The following GABRR2 variants were observed in gnomAD, a reference collection of about 807,000 sequenced individuals.
The protein encoded by GABRR2 is gamma-aminobutyric acid receptor subunit rho-2.
Under a neutral mutation model 47.0 loss-of-function variants are expected in GABRR2, and 36 were observed. The observed-to-expected ratio is 0.77, with a 90% CI of 0.59 to 1.01. GABRR2 has a LOEUF of 1.01. Among genes scored for constraint, GABRR2 ranks in the 50% least tolerant of loss-of-function variants. GABRR2 has a pLI of 0.00. For missense variants in GABRR2, 587 were observed against 594.6 expected, an observed-to-expected ratio of 0.99 and a Z score of 0.13; for synonymous variants, 204 against 227.5, an observed-to-expected ratio of 0.90 and a Z score of 0.93.
intron 2 of GABRR2, among the ~76,000 whole-genome samples, chr6:89,297,685 T>C (rs893076725): frequency 2.6e-5 from 4 of 152,120 alleles, no homozygotes; most frequent in African/African-American, 9.7e-5. Flanking sequence ...TGAAACCCTG[T>C]CTCTACTAAA....
intron 2 of GABRR2, among the ~76,000 whole-genome samples, chr6:89,273,956 C>T (rs915578002): frequency 6.6e-5 from 10 of 152,246 alleles, no homozygotes; most frequent in African/African-American, 2.4e-4. Context: ...AACAATACAG[C>T]GATGGCCCTC....
At position 89,255,159 on chromosome 6, in the gene GABRR2, G is replaced by A. The variant is rs368136146; in HGVS notation, c.*2511C>T. On this transcript the variant is annotated 3_prime_UTR_variant, in exon 9 of 9. Transcript: ENST00000402938. ...CTCTATAGATAAAAGGTTTCTGGCC[G>A]GGTGTGGTGGCTCACGCCTGTAATC... 4.6e-5 allele frequency among the ~76,000 whole-genome samples: 7 copies of A among 152,294 alleles called. No individual in the cohort carries two copies. The East Asian group carries it at 7.7e-4, about 17-fold the overall frequency.
chr6:89,304,490 G>A, intron 1 of GABRR2, among the ~76,000 whole-genome samples: 1 of 151,776 alleles, frequency 6.6e-6, no homozygotes, highest in South Asian at 2.1e-4. Flanking sequence ...TTGGGACACT[G>A]AGGCACGAGA....
intron 8 of GABRR2, 87 bp from the exon 9 acceptor site, chr6:89,258,068 T>C (rs1773649578): frequency 8.2e-7 from 1 of 1,220,820 alleles, no homozygotes; most frequent in Non-Finnish European, 1.1e-6. Context: ...GCCACATTGC[T>C]ACTCAGAACC....
chr6:89,267,814 A>G lies in GABRR2; in HGVS notation c.601T>C (p.Tyr201His). 6.2e-7 allele frequency: 1 copy of G among 1,610,604 alleles called. No homozygotes were observed. The highest frequency in any genetic ancestry group is 8.5e-7 in the Non-Finnish European group (1 of 1,178,294). ...TCSLELESYA[Y>H]TDEDLMLYWK... ...TACAGCATTAGATCTTCATCTGTATAGGCATCTTTGGGAAGAGGAAAACAA... is the reference window on the plus strand; with the variant it reads ...TACAGCATTAGATCTTCATCTGTATGGGCATCTTTGGGAAGAGGAAAACAA... The change falls in exon 6 of 9, where the codon TAT becomes CAT. Residue 201 changes from tyrosine (Y) to histidine (H), a missense_variant. Tyr to His is a moderately conservative substitution (Grantham distance 83). Transcript: ENST00000402938.
intron 2 of GABRR2, among the ~76,000 whole-genome samples, chr6:89,272,474 C>T (rs1447657313): frequency 6.6e-6 from 1 of 152,214 alleles, no homozygotes; most frequent in African/African-American, 2.4e-5. Context: ...GAGTGGTACA[C>T]TTACAATGGG....
intron 1 of GABRR2, among the ~76,000 whole-genome samples, chr6:89,305,759 G>A (rs1337778204): frequency 1.3e-5 from 2 of 152,104 alleles, no homozygotes; most frequent in Non-Finnish European, 2.9e-5. Context: ...AGAACACATG[G>A]ACACAAAGAG....
chr6:89,296,391 C>T lies in GABRR2; in HGVS notation c.220+3368G>A, dbSNP rs1582459769. ...CCCTGGTACCTCACTATGTGCTCTC[C>T]TCCCCCCGTTTCATCCAAGTGACAT... On this transcript the variant is annotated intron_variant, in intron 2 of 8. Transcript: ENST00000402938. 2.6e-5 allele frequency among the ~76,000 whole-genome samples: 4 copies of T among 152,328 alleles called. No homozygotes were observed. The East Asian group carries it at 7.7e-4, about 29-fold the overall frequency.
At chr6:89,312,172 GA>G (rs1281692779) in intron 1 of GABRR2, among the ~76,000 whole-genome samples, 2 of 152,342 alleles carry the variant, frequency 1.3e-5, no homozygotes, top group African/African-American at 4.8e-5. Flanking sequence ...TGGCAAGAAA[GA>G]AGGGCAATCG....
At chr6:89,293,940 A>G (rs1774511404) in intron 2 of GABRR2, among the ~76,000 whole-genome samples, 1 of 152,196 alleles carries the variant, frequency 6.6e-6, no homozygotes, top group Admixed American at 6.5e-5. Context: ...CAACTGATCC[A>G]TGGGATTATT....
At chr6:89,259,606 C>A (rs1474283495) in intron 8 of GABRR2, among the ~76,000 whole-genome samples, 1 of 151,908 alleles carries the variant, frequency 6.6e-6, no homozygotes, top group Non-Finnish European at 1.5e-5. Flanking sequence ...AAGGGTCAAG[C>A]GATTCTCCTG....
chr6:89,269,007 C>G lies in GABRR2; in HGVS notation c.512+4G>C, dbSNP rs1773978800. The G allele has an allele frequency of 6.2e-7, 1 of 1,612,834 alleles. No homozygotes were observed. Among genetic ancestry groups the G allele is most frequent in the African/African-American group, 1.3e-5 (1 of 74,908 alleles). ...CAGAGGAACAATGGCCCCCAGACAG[C>G]TACCTCATGCTGTACAGCACGTGTC... On this transcript the variant is annotated splice_donor_region_variant and intron_variant, in intron 4 of 8. Transcript: ENST00000402938.
chr6:89,307,954 T>G (rs938758436), intron 1 of GABRR2, among the ~76,000 whole-genome samples: 1 of 151,710 alleles, frequency 6.6e-6, no homozygotes, highest in Non-Finnish European at 1.5e-5. Context: ...GTAGCTGGAA[T>G]TACAGGCACC....
chr6:89,277,325 G>A (rs2183796), intron 2 of GABRR2, among the ~76,000 whole-genome samples: 100,118 of 152,036 alleles, frequency 0.66, 33,523 homozygotes, highest in African/African-American at 0.79. Flanking sequence ...TTCCCAAGCC[G>A]TGCTGAACTG....
At position 89,256,203 on chromosome 6, in the gene GABRR2, C is replaced by T. The variant is rs1562339122; in HGVS notation, c.*1467G>A. ...TCTTAAAATCCTGACCTTCAAGGGG[C>T]ATCTCAGGGCTGCTTTCTCCATGAG... On this transcript the variant is annotated 3_prime_UTR_variant, in exon 9 of 9. Transcript: ENST00000402938. Among the ~76,000 whole-genome samples the T allele has an allele frequency of 6.6e-6, 1 of 150,960 alleles. No individual in the cohort carries two copies. The highest frequency in any genetic ancestry group is 6.6e-5 in the Admixed American group (1 of 15,046).
At chr6:89,265,791 G>T in intron 6 of GABRR2, 26 bp from the exon 7 acceptor site, 2 of 1,611,936 alleles carry the variant, frequency 1.2e-6, no homozygotes, top group Non-Finnish European at 1.7e-6. Flanking sequence ...AGAAGCCAAT[G>T]AGGTTCCATC....
At chr6:89,271,579 C>T in intron 3 of GABRR2, 76 bp downstream of exon 3, 2 of 1,322,404 alleles carry the variant, frequency 1.5e-6, no homozygotes, top group Non-Finnish European at 2.1e-6. Context: ...GCTCTGCCCA[C>T]ACAGGCACAG....
intron 2 of GABRR2, among the ~76,000 whole-genome samples, chr6:89,280,619 C>T (rs142732698): frequency 1.5e-3 from 229 of 152,292 alleles, no homozygotes; most frequent in African/African-American, 5.4e-3. Context: ...TGGGCTCCAA[C>T]GCTGCTGTCA....
At chr6:89,282,263 G>A (rs1391072054) in intron 2 of GABRR2, among the ~76,000 whole-genome samples, 1 of 152,146 alleles carries the variant, frequency 6.6e-6, no homozygotes, top group Non-Finnish European at 1.5e-5. Flanking sequence ...AGGAAGCAAG[G>A]ACACGTGCAT....
Sources: allele counts gnomAD v4.1 joint callset (sites outside exome capture counted in the v4.1 genomes callset), GRCh38; gene constraint gnomAD v4.1.1; transcripts MANE v1.5; gene names NCBI Gene and HGNC (gene_info 2026-07-23, HGNC 2026-07-21).